NDST4: variants seen among roughly 807,000 people sequenced by gnomAD.
NDST4 encodes N-deacetylase and N-sulfotransferase 4.
Under a neutral mutation model 100.8 loss-of-function variants are expected in NDST4, and 63 were observed. The ratio of observed to expected loss-of-function variants is 0.62; its 90% CI spans 0.51 to 0.77. NDST4 has a LOEUF of 0.77. NDST4 is among the 30% of genes least tolerant of loss of function. NDST4 has a pLI of 0.00. For missense variants in NDST4, 943 were observed against 1,018.4 expected (o/e 0.93, Z 1.01); for synonymous variants, 377 against 361.8 (o/e 1.04, Z -0.48).
intron 2 of NDST4, among the ~76,000 whole-genome samples, chr4:115,014,705 T>C (rs1229227894): frequency 6.6e-6 from 1 of 152,064 alleles, no homozygotes; most frequent in Non-Finnish European, 1.5e-5. Flanking sequence ...TTGGAGTTTT[T>C]GGCAGGCCCC....
intron 2 of NDST4, among the ~76,000 whole-genome samples, chr4:115,065,972 T>C (rs1728937161): frequency 6.6e-6 from 1 of 152,156 alleles, no homozygotes; most frequent in Admixed American, 6.6e-5. Context: ...TACAGTTCTG[T>C]CCAGTGATCG....
chr4:115,058,170 A>G (rs1380497316), intron 2 of NDST4, among the ~76,000 whole-genome samples: 3 of 152,252 alleles, frequency 2.0e-5, no homozygotes, highest in Non-Finnish European at 4.4e-5. Context: ...TCCTCTGTAA[A>G]CACAGAGAAA....
intron 2 of NDST4, among the ~76,000 whole-genome samples, chr4:115,036,997 T>A (rs1578473417): frequency 1.3e-5 from 2 of 152,118 alleles, no homozygotes. Context: ...TTATTTTGCT[T>A]GATAAATTAT....
chr4:115,022,006 A>G (rs1010608076), intron 2 of NDST4, among the ~76,000 whole-genome samples: 5 of 139,134 alleles, frequency 3.6e-5, no homozygotes, highest in African/African-American at 1.7e-4. Flanking sequence ...TTCCATATAT[A>G]TGTTCCATAT....
chr4:115,052,174 T>A (rs1418943832), intron 2 of NDST4, among the ~76,000 whole-genome samples: 1 of 152,166 alleles, frequency 6.6e-6, no homozygotes, highest in African/African-American at 2.4e-5. Flanking sequence ...ATAGATTGAA[T>A]TAATATTTAC....
chr4:115,078,625 G>T (rs561107001), intron 1 of NDST4, among the ~76,000 whole-genome samples: 2 of 152,140 alleles, frequency 1.3e-5, no homozygotes, highest in East Asian at 3.9e-4. Flanking sequence ...TGGATCACGA[G>T]GTCAGGAGTT....
At chr4:114,846,480 G>A (rs74765926) in intron 9 of NDST4, among the ~76,000 whole-genome samples, 12,425 of 152,144 alleles carry the variant, frequency 0.082, 1,457 homozygotes, top group African/African-American at 0.26. Flanking sequence ...AGGGCATGGC[G>A]GTTCTCTTCC....
At chr4:115,082,332 T>G (rs1729321554) in intron 1 of NDST4, among the ~76,000 whole-genome samples, 1 of 152,212 alleles carries the variant, frequency 6.6e-6, no homozygotes, top group Non-Finnish European at 1.5e-5. Context: ...AAATACAGTT[T>G]GCAAAGTTCA....
intron 4 of NDST4, among the ~76,000 whole-genome samples, chr4:114,939,099 C>G (rs926360660): frequency 3.3e-5 from 5 of 152,180 alleles, no homozygotes; most frequent in Non-Finnish European, 1.5e-5. Context: ...GGAACATGTA[C>G]TGGGACAGCC....
chr4:114,899,025 T>C (rs902249894), intron 6 of NDST4, among the ~76,000 whole-genome samples: 6 of 152,156 alleles, frequency 3.9e-5, no homozygotes, highest in African/African-American at 1.4e-4. Context: ...CCTTTCTTTG[T>C]CGTATTGGCT....
At chr4:114,971,957 G>A (rs1014782205) in intron 3 of NDST4, among the ~76,000 whole-genome samples, 17 of 152,026 alleles carry the variant, frequency 1.1e-4, no homozygotes, top group Middle Eastern at 3.2e-3. Flanking sequence ...GGGTCTTAGT[G>A]AAGAGTTGAT....
chr4:114,975,975 T>C (rs1726624974), intron 3 of NDST4, among the ~76,000 whole-genome samples: 1 of 152,104 alleles, frequency 6.6e-6, no homozygotes, highest in African/African-American at 2.4e-5. Context: ...AACATCCTTT[T>C]AAAATATGAA....
At chr4:115,081,136 C>G (rs1729294129) in intron 1 of NDST4, among the ~76,000 whole-genome samples, 2 of 150,878 alleles carry the variant, frequency 1.3e-5, no homozygotes, top group Non-Finnish European at 3.0e-5. Flanking sequence ...TCTGCCAACC[C>G]AAAGAATAAA....
At chr4:114,852,978 T>C (rs1212202354) in intron 7 of NDST4, among the ~76,000 whole-genome samples, 157 bp from the exon 8 acceptor site, 1 of 152,190 alleles carries the variant, frequency 6.6e-6, no homozygotes, top group Non-Finnish European at 1.5e-5. Flanking sequence ...CTTTTTTAAA[T>C]AAAGTTATTG....
chr4:114,871,233 C>T lies in NDST4; in HGVS notation c.1537-283G>A, dbSNP rs181827012. The stretch of plus-strand genomic sequence containing the variant: ...TTATTGTGGAGCCAATACCATCAAA[C>T]TTCAATCTAGTAACTTTCAGACTAG... On this transcript the variant is annotated intron_variant, in intron 6 of 13. Coordinates refer to ENST00000264363, the MANE Select transcript of NDST4 (RefSeq NM_022569.3). Among the ~76,000 whole-genome samples the T allele has an allele frequency of 2.6e-5, 4 of 152,270 alleles. No individual in the cohort carries two copies. In the East Asian group the frequency reaches 5.8e-4, roughly 22 times the overall value.
At chr4:114,915,439 T>G (rs1334843770) in intron 6 of NDST4, among the ~76,000 whole-genome samples, 1 of 152,214 alleles carries the variant, frequency 6.6e-6, no homozygotes. Flanking sequence ...GATAAATTCA[T>G]TCCTTTTTAA....
At chr4:115,081,000 C>T (rs1022786985) in intron 1 of NDST4, among the ~76,000 whole-genome samples, 12 of 151,756 alleles carry the variant, frequency 7.9e-5, no homozygotes, top group Admixed American at 7.9e-4. Flanking sequence ...CTTCTTCTCA[C>T]ATTAAAAATG....
chr4:114,860,521 A>C (rs1308156053), intron 7 of NDST4, among the ~76,000 whole-genome samples: 1 of 152,136 alleles, frequency 6.6e-6, no homozygotes, highest in Non-Finnish European at 1.5e-5. Flanking sequence ...CACTCCCTGG[A>C]TTTCTCCTTT....
chr4:114,978,768 T>C (rs1560840763), intron 2 of NDST4, among the ~76,000 whole-genome samples: 2 of 152,068 alleles, frequency 1.3e-5, no homozygotes, highest in Non-Finnish European at 2.9e-5. Flanking sequence ...TTAAAAAAAT[T>C]TCTCCCGTCT....
Sources: gnomAD v4.1 joint callset for allele counts (sites outside exome capture counted in the v4.1 genomes callset) on GRCh38, gnomAD v4.1.1 for gene constraint, MANE v1.5 for transcripts, NCBI Gene and HGNC (gene_info 2026-07-23, HGNC 2026-07-21) for gene names.